The following LONP1 variants were observed in gnomAD, a reference collection of about 807,000 sequenced individuals.
LONP1 encodes lon peptidase 1, mitochondrial, also known as lon protease homolog, mitochondrial.
LONP1 carries 31 observed loss-of-function variants against 98.5 expected under a neutral mutation model. That is an observed-to-expected ratio of 0.31 (90% confidence interval 0.24 to 0.42). The LOEUF (loss-of-function observed/expected upper bound fraction) is 0.42, where lower values mean the gene tolerates loss of function less well. Among genes scored for constraint, LONP1 ranks in the 20% least tolerant of loss-of-function variants. LONP1 has a pLI of 1.00. For synonymous variants in LONP1, 781 were observed against 594.7 expected, an observed-to-expected ratio of 1.31 and a Z score of -4.56; for missense variants, 1,336 against 1,350.6, an observed-to-expected ratio of 0.99 and a Z score of 0.17.
intron 4 of LONP1, among the ~76,000 whole-genome samples, chr19:5,709,584 C>T (rs1356536092): frequency 6.6e-6 from 1 of 152,030 alleles, no homozygotes; most frequent in East Asian, 1.9e-4. Context: ...GGCACCAGAA[C>T]AGGCCCACTG....
intron 9 of LONP1, among the ~76,000 whole-genome samples, chr19:5,699,492 C>G (rs112438211): frequency 3.9e-5 from 6 of 152,098 alleles, no homozygotes; most frequent in African/African-American, 1.4e-4. Context: ...CCCTGAAGAC[C>G]GCAAATGCTC....
intron 6 of LONP1, 48 bp from the exon 7 acceptor site, chr19:5,707,191 T>C (rs766386307): frequency 1.3e-6 from 2 of 1,538,294 alleles, no homozygotes; most frequent in East Asian, 4.5e-5. Context: ...TCGGCATCTG[T>C]GTGTGTAGGG....
intron 16 of LONP1, 42 bp from the exon 17 acceptor site, chr19:5,693,504 C>G: frequency 1.2e-6 from 2 of 1,611,736 alleles, no homozygotes; most frequent in Non-Finnish European, 1.7e-6. Flanking sequence ...AGGTGGCCAG[C>G]AGCCCAGGGA....
At position 5,711,821 on chromosome 19, in the gene LONP1, C is replaced by G. The variant is rs930763241; in HGVS notation, c.820G>C (p.Glu274Gln). ...TCCTCGTGGACAACGTTCTCTACCT[C>G]CACCATGAGCACCTCAGCCGGGAGC... ...PELPAEVLMV[E>Q]VENVVHEDFQ... Residue 274 changes from glutamate (E) to glutamine (Q), a missense_variant, in exon 4 of 18, where the codon GAG (glutamate) becomes CAG (glutamine). By Grantham distance (29) the Glu-to-Gln change is conservative. This residue lies in a region of LONP1 where 457 missense variants were observed against 403.1 expected (regional missense o/e 1.13). Coordinates refer to ENST00000360614, the MANE Select transcript of LONP1 (RefSeq NM_004793.4). 6.2e-7 allele frequency: 1 copy of G among 1,612,726 alleles called. No homozygotes were observed. The highest frequency in any genetic ancestry group is 1.3e-5 in the African/African-American group (1 of 75,048).
intron 4 of LONP1, 146 bp downstream of exon 4, chr19:5,711,625 T>A (rs2055238126): frequency 1.5e-6 from 1 of 650,274 alleles, no homozygotes; most frequent in African/African-American, 1.8e-5. Flanking sequence ...ACCCTCTATG[T>A]TCCATTAGAA....
Position 5,707,094 on chromosome 19 carries a change from T to A in LONP1, c.1112A>T (p.Glu371Val). The A allele has an allele frequency of 6.2e-7, 1 of 1,612,964 alleles. No homozygotes were observed. The highest frequency in any genetic ancestry group is 8.5e-7 in the Non-Finnish European group (1 of 1,179,928). ...CAGGCGCTGCTGCAGCTTGCTCAGT[T>A]CAAATTCCTTCTTCAGCAGGGAGAG... ...KALSLLKKEF[E>V]LSKLQQRLGR... Residue 371 changes from glutamate (E) to valine (V), a missense_variant, in exon 7 of 18, where the codon GAA becomes GTA. Physicochemically the swap from Glu to Val is moderately radical, Grantham distance 121. Around this residue, in one of 5 missense-constraint regions of LONP1, gnomAD observed 97 missense variants for 139.0 expected, o/e 0.70. Coordinates refer to ENST00000360614, the MANE Select transcript of LONP1 (RefSeq NM_004793.4).
intron 3 of LONP1, 62 bp downstream of exon 3, chr19:5,713,072 C>G (rs891832682): frequency 8.2e-5 from 132 of 1,609,492 alleles, no homozygotes; most frequent in Non-Finnish European, 1.1e-4. Flanking sequence ...ATAAGGCATC[C>G]TGGCTGGTCT....
At chr19:5,696,476 C>T (rs1023655929) in intron 11 of LONP1, 105 bp from the exon 12 acceptor site, 6 of 1,466,502 alleles carry the variant, frequency 4.1e-6, no homozygotes, top group Non-Finnish European at 5.6e-6. Flanking sequence ...GTGAGAGCGG[C>T]ACCCACACCC....
rs375197253 is a variant in LONP1, at chr19:5,696,764, G to T, written c.1686-7C>A. On this transcript the variant is annotated splice_polypyrimidine_tract_variant and splice_region_variant and intron_variant, in intron 10 of 17. Transcript: ENST00000360614. ...GGCGCCCACGTAGGTCCGCCTGTGG[G>T]TGCACAGCGGGGTCAGAGGTCACTT... 2 of 1,603,998 alleles carry T rather than the reference G, an allele frequency of 1.2e-6. No individual in the cohort carries two copies.
chr19:5,695,013 A>G, intron 13 of LONP1, 112 bp from the exon 14 acceptor site: 6 of 1,298,510 alleles, frequency 4.6e-6, no homozygotes, highest in Non-Finnish European at 6.3e-6. Context: ...CCTGGGAACG[A>G]GGTCCCTGAT....
Position 5,694,542 on chromosome 19 carries a change from T to A in LONP1, c.2165A>T (p.Lys722Ile). ...LQKQVEKVLRKSAYKIVSGEA... is the reference protein window; with the variant it reads ...LQKQVEKVLRISAYKIVSGEA... The stretch of plus-strand genomic sequence containing the variant: ...GCCGCTGACAATCTTGTAGGCCGAT[T>A]TCCGTAACACCTGGGCGGTCAGGGC... Residue 722 changes from lysine (K) to isoleucine (I), a missense_variant, in exon 15 of 18, where the codon AAA (lysine) becomes ATA (isoleucine). Lys to Ile is a moderately radical substitution (Grantham distance 102). This residue lies in a region of LONP1 where 555 missense variants were observed against 542.6 expected (regional missense o/e 1.02). Transcript: ENST00000360614. The A allele has an allele frequency of 6.2e-7, 1 of 1,611,834 alleles. No individual in the cohort carries two copies. Among genetic ancestry groups the A allele is most frequent in the Non-Finnish European group, 8.5e-7 (1 of 1,179,368 alleles).
intron 1 of LONP1, among the ~76,000 whole-genome samples, chr19:5,715,286 A>T (rs889748140): frequency 5.3e-5 from 8 of 152,050 alleles, no homozygotes; most frequent in Non-Finnish European, 1.0e-4. Flanking sequence ...ATGTCAGAAT[A>T]AACATAAGTA....
intron 11 of LONP1, 85 bp downstream of exon 11, chr19:5,696,585 G>T (rs981976559): frequency 7.0e-7 from 1 of 1,431,262 alleles, no homozygotes; most frequent in East Asian, 2.3e-5. Flanking sequence ...GAGTTGGCTC[G>T]GGGATCCTAG....
chr19:5,695,363 G>A (rs868304506), intron 13 of LONP1, among the ~76,000 whole-genome samples: 2 of 152,054 alleles, frequency 1.3e-5, no homozygotes, highest in South Asian at 2.1e-4. Context: ...GACGGACAGA[G>A]CCATGCAAGC....
At chr19:5,707,205 A>G in intron 6 of LONP1, 62 bp from the exon 7 acceptor site, 1 of 1,395,614 alleles carries the variant, frequency 7.2e-7, no homozygotes, top group Non-Finnish European at 1.0e-6. Context: ...TGTAGGGCCG[A>G]GGTTGGGGGA....
intron 4 of LONP1, among the ~76,000 whole-genome samples, chr19:5,710,302 T>C (rs2055217296): frequency 6.6e-6 from 1 of 152,012 alleles, no homozygotes; most frequent in Admixed American, 6.6e-5. Flanking sequence ...TTGGTCAGGC[T>C]GGTCTCAAAC....
rs748466230 is a variant in LONP1, at chr19:5,693,367, G to T, written c.2634C>A (p.Ala878=). Residue 878 remains alanine (A), a synonymous_variant, in exon 17 of 18, where the codon GCC becomes GCA. Transcript: ENST00000360614. The part of the protein sequence containing the change: ...AMGRPVRQNL[A]MTGEVSLTGK... The stretch of plus-strand genomic sequence containing the variant: ...CCGTGAGGGAGACTTCGCCAGTCAT[G>T]GCCAGATTCTGCCGGACAGGCCTGC... 1.2e-6 allele frequency: 2 copies of T among 1,613,514 alleles called. No homozygotes were observed. The highest frequency in any genetic ancestry group is 4.5e-5 in the East Asian group (2 of 44,860).
At position 5,706,131 on chromosome 19, in the gene LONP1, T is replaced by C. The variant is rs563415319; in HGVS notation, c.1147-139A>G. On this transcript the variant is annotated intron_variant, in intron 7 of 17. Transcript: ENST00000360614. ...GAAACCCAGAGCACGAAGCCTTTGGTTCCTTCCATCTTCTTTTGTTTTTGA... is the reference window on the plus strand; with the variant it reads ...GAAACCCAGAGCACGAAGCCTTTGGCTCCTTCCATCTTCTTTTGTTTTTGA... 9.5e-6 allele frequency: 6 copies of C among 629,246 alleles called. No individual in the cohort carries two copies. In the South Asian group the frequency reaches 1.1e-4, roughly 12 times the overall value. 39.0% of individuals were successfully genotyped at this position (629,246 alleles called of 1,614,324 possible).
At chr19:5,705,372 T>A (rs762089685) in intron 8 of LONP1, among the ~76,000 whole-genome samples, 18 of 150,474 alleles carry the variant, frequency 1.2e-4, no homozygotes, top group Non-Finnish European at 2.4e-4. Flanking sequence ...GCAGGAGAAT[T>A]GCTTGAACCC....
Sources: allele counts gnomAD v4.1 joint callset (sites outside exome capture counted in the v4.1 genomes callset), GRCh38; gene constraint gnomAD v4.1.1; regional missense constraint gnomAD v4.1.1; transcripts MANE v1.5; gene names NCBI Gene and HGNC (gene_info 2026-07-23, HGNC 2026-07-21).